PGPEP1: variants seen among roughly 807,000 people sequenced by gnomAD.
The protein encoded by PGPEP1 is pyroglutamyl-peptidase 1.
Under a neutral mutation model 24.1 loss-of-function variants are expected in PGPEP1, and 15 were observed. The ratio of observed to expected loss-of-function variants is 0.62; its 90% confidence interval spans 0.42 to 0.96. PGPEP1 has a LOEUF of 0.96. Ranked by LOEUF, PGPEP1 falls within the 40% of genes least tolerant of loss-of-function variation. PGPEP1 has a pLI of 0.00. For missense variants in PGPEP1, 242 were observed against 273.4 expected (o/e 0.89, Z 0.81); for synonymous variants, 122 against 116.4 (o/e 1.05, Z -0.31).
chr19:18,349,267 C>G (rs1371764910), intron 2 of PGPEP1, among the ~76,000 whole-genome samples: 1 of 152,134 alleles, frequency 6.6e-6, no homozygotes, highest in Admixed American at 6.6e-5. Flanking sequence ...CTGCAACCTC[C>G]ACCTCCCGGG....
intron 2 of PGPEP1, among the ~76,000 whole-genome samples, chr19:18,351,379 C>T (rs370675922): frequency 9.1e-4 from 138 of 151,902 alleles, no homozygotes; most frequent in African/African-American, 3.2e-3. Flanking sequence ...AATCCCAGCA[C>T]TTTGGGAGGC....
rs3195944 is a variant in PGPEP1 at position 18,365,901 on chromosome 19, A to G, written c.*2318A>G. Reference sequence around the variant, plus strand: ...AACTGACAGGTGGAAATGAGTAGGGACACTATTGTTCCCTCCATGCCAGCT... The same window carrying G: ...AACTGACAGGTGGAAATGAGTAGGGGCACTATTGTTCCCTCCATGCCAGCT... On this transcript the variant is annotated 3_prime_UTR_variant, in exon 5 of 5. Coordinates refer to ENST00000269919, the MANE Select transcript of PGPEP1 (RefSeq NM_017712.4). The G allele has an allele frequency of 0.1, 15,393 of 147,780 alleles. 910 individuals are homozygous for G. Among genetic ancestry groups the G allele is most frequent in the East Asian group, 0.19 (974 of 5,072 alleles). The allele number at this position is 147,780 out of a possible 1,614,324, so 9.2% of individuals were successfully genotyped here. A position where few individuals can be genotyped will look rare whatever the true frequency, so the allele number is the denominator to read the frequency against.
intron 1 of PGPEP1, 83 bp downstream of exon 1, chr19:18,340,798 C>A: frequency 1.9e-6 from 2 of 1,046,134 alleles, no homozygotes; most frequent in Non-Finnish European, 2.6e-6. Flanking sequence ...CCGAGAGGGG[C>A]AGGTGCTGGA....
intron 4 of PGPEP1, chr19:18,357,866 C>A: frequency 1.9e-6 from 1 of 524,804 alleles, no homozygotes; most frequent in Non-Finnish European, 3.5e-6. Context: ...GGACACTGCC[C>A]CAGCCTCCAT....
At chr19:18,341,453 T>TG (rs1204591123) in intron 1 of PGPEP1, among the ~76,000 whole-genome samples, 2 of 150,666 alleles carry the variant, frequency 1.3e-5, no homozygotes, top group Admixed American at 6.6e-5. Context: ...AGTCAAGGAG[T>TG]GGGGGGGTCA....
chr19:18,349,091 A>T (rs8102906), intron 2 of PGPEP1: 4 of 983,094 alleles, frequency 4.1e-6, no homozygotes, highest in African/African-American at 1.8e-5. Flanking sequence ...AAACACACAC[A>T]TGAACACCTC....
In PGPEP1 at chr19:18,366,399, C is replaced by G. The variant is rs1971550564; in HGVS notation, c.*2816C>G. 1 of 152,118 alleles carries G rather than the reference C, an allele frequency of 6.6e-6. No homozygotes were observed. Among genetic ancestry groups the G allele is most frequent in the Non-Finnish European group, 1.5e-5 (1 of 68,028 alleles). The allele number at this position is 152,118 out of a possible 1,614,324, so 9.4% of individuals were successfully genotyped here. ...TTGCAGTGGTTTCACATTTCCTTAC[C>G]CAGTCAAGCCAGTATCCCATCCTTC... is the stretch of plus-strand genomic sequence containing the variant. On this transcript the variant is annotated 3_prime_UTR_variant, in exon 5 of 5. Transcript: ENST00000269919.
chr19:18,359,907 T>A (rs1971294505), intron 4 of PGPEP1, among the ~76,000 whole-genome samples: 1 of 152,184 alleles, frequency 6.6e-6, no homozygotes, highest in Admixed American at 6.6e-5. Context: ...CAGCACCAGC[T>A]TCCTCACTTT....
rs1285743642 is a variant in PGPEP1 at position 18,369,850 on chromosome 19, C to T, written c.*6267C>T. On this transcript the variant is annotated 3_prime_UTR_variant, in exon 5 of 5. Transcript: ENST00000269919. ...TTCTGAAACTCCTGTGTCCCGGGCC[C>T]CCCAGGCGGAGAAGGATATGCCGGA... is the stretch of plus-strand genomic sequence containing the variant. 2 of 152,168 alleles carry T rather than the reference C, an allele frequency of 1.3e-5. No homozygotes were observed. Among genetic ancestry groups the T allele is most frequent in the South Asian group, 4.1e-4 (2 of 4,826 alleles). The allele number at this position is 152,168 out of a possible 1,614,324, so 9.4% of individuals were successfully genotyped here.
intron 4 of PGPEP1, among the ~76,000 whole-genome samples, chr19:18,362,620 C>T (rs1193144551): frequency 1.3e-5 from 2 of 149,768 alleles, no homozygotes; most frequent in Admixed American, 6.8e-5. Context: ...CCCAGCTACT[C>T]GGGAGGCTGA....
intron 4 of PGPEP1, among the ~76,000 whole-genome samples, chr19:18,360,546 C>T (rs949322737): frequency 2.0e-5 from 3 of 151,940 alleles, no homozygotes; most frequent in Admixed American, 6.6e-5. Context: ...CAGAGTCTTG[C>T]TCTGTCGCCC....
Position 18,340,602 on chromosome 19 carries a change from C to A in PGPEP1, c.-80C>A. ...GGGGCTTGACAGGGGCGTGGCCTCG[C>A]GCGGCCGAGAGGCTGCAGCGGCAGC... On this transcript the variant is annotated 5_prime_UTR_variant, in exon 1 of 5. Transcript: ENST00000269919. 7.3e-7 allele frequency: 1 copy of A among 1,364,146 alleles called. No individual in the cohort carries two copies. Among genetic ancestry groups the A allele is most frequent in the Non-Finnish European group, 9.8e-7 (1 of 1,020,098 alleles). The allele number at this position is 1,364,146 out of a possible 1,614,324, so 84.5% of individuals were successfully genotyped here. A position where few individuals can be genotyped will look rare whatever the true frequency, so the allele number is the denominator to read the frequency against.
At chr19:18,360,451 G>A (rs1211723479) in intron 4 of PGPEP1, among the ~76,000 whole-genome samples, 2 of 151,822 alleles carry the variant, frequency 1.3e-5, no homozygotes, top group Non-Finnish European at 2.9e-5. Context: ...TGACTTTTTG[G>A]GCTTAGGTGA....
intron 2 of PGPEP1, among the ~76,000 whole-genome samples, chr19:18,352,646 C>A (rs911725515): frequency 3.3e-5 from 5 of 151,840 alleles, no homozygotes; most frequent in Non-Finnish European, 7.4e-5. Flanking sequence ...ACCTCCACCT[C>A]CCAGATTCAA....
intron 2 of PGPEP1, among the ~76,000 whole-genome samples, chr19:18,354,973 T>TC (rs1423853898): frequency 7.0e-6 from 1 of 143,716 alleles, no homozygotes; most frequent in Admixed American, 6.9e-5. Context: ...TTTTTTTTTT[T>TC]TTTTTTTTTT....
In PGPEP1 at chr19:18,364,127, T is replaced by TCTTGCTTTCTTTCTTG. The variant is rs1971453196; in HGVS notation, c.*559_*560insGCTTGCTTTCTTTCTT. 2.2e-5 allele frequency: 3 copies of TCTTGCTTTCTTTCTTG among 135,346 alleles called. No homozygotes were observed. Among genetic ancestry groups the TCTTGCTTTCTTTCTTG allele is most frequent in the Non-Finnish European group, 4.6e-5 (3 of 65,018 alleles). The allele number at this position is 135,346 out of a possible 1,614,324, so 8.4% of individuals were successfully genotyped here. On this transcript the variant is annotated 3_prime_UTR_variant, in exon 5 of 5. Transcript: ENST00000269919. ...TTCTTTCTTTCTTGCTTTCTTTCTTTCTTGCTTTCTTTCTTCTCTCTCTCT... is the reference window on the plus strand; with the variant it reads ...TTCTTTCTTTCTTGCTTTCTTTCTTTCTTGCTTTCTTTCTTGCTTGCTTTCTTTCTTCTCTCTCTCT...
At chr19:18,359,035 C>T (rs1481854154) in intron 4 of PGPEP1, among the ~76,000 whole-genome samples, 1 of 151,956 alleles carries the variant, frequency 6.6e-6, no homozygotes, top group South Asian at 2.1e-4. Context: ...TGCCTATAAT[C>T]CTAGCACTTC....
chr19:18,358,471 G>T (rs1206248886), intron 4 of PGPEP1, among the ~76,000 whole-genome samples: 1 of 151,848 alleles, frequency 6.6e-6, no homozygotes. Context: ...CGTTGGTCAG[G>T]CTGGTCTCGA....
At chr19:18,347,270 C>CTTTTTTTTTTTTTTTTTTTTTT (rs59936417) in intron 2 of PGPEP1, among the ~76,000 whole-genome samples, 6 of 94,418 alleles carry the variant, frequency 6.4e-5, no homozygotes, top group Admixed American at 3.1e-4. Flanking sequence ...TTCTTTCTTT[C>CTTTTTTTTTTTTTTTTTTTTTT]TTTTTTTTTT....
Sources: allele counts gnomAD v4.1 joint callset (sites outside exome capture counted in the v4.1 genomes callset), GRCh38; gene constraint gnomAD v4.1.1; transcripts MANE v1.5; gene names NCBI Gene and HGNC (gene_info 2026-07-23, HGNC 2026-07-21).